The following CUX2 variants were observed in gnomAD, a reference collection of about 807,000 sequenced individuals.
CUX2 encodes the protein homeobox protein cut-like 2.
Under a neutral mutation model 144.8 loss-of-function variants are expected in CUX2, and 40 were observed. The observed-to-expected ratio is 0.28, with a 90% CI of 0.21 to 0.36. The LOEUF (loss-of-function observed/expected upper bound fraction) is 0.36. Among genes scored for constraint, CUX2 ranks in the 10% least tolerant of loss-of-function variants. The probability of loss-of-function intolerance (pLI) is 1.00; values close to 1 mark genes in which losing one functional copy is unlikely to be tolerated. For missense variants in CUX2, 1,615 were observed against 1,994.0 expected, an observed-to-expected ratio of 0.81 and a Z score of 3.62; for synonymous variants, 827 against 875.6, an observed-to-expected ratio of 0.94 and a Z score of 0.98.
intron 3 of CUX2, among the ~76,000 whole-genome samples, chr12:111,231,298 A>G (rs1457523385): frequency 6.6e-6 from 1 of 152,038 alleles, no homozygotes; most frequent in Non-Finnish European, 1.5e-5. Flanking sequence ...GGCACCATAC[A>G]GTATTTGTCC....
At chr12:111,204,987 G>A (rs778270937) in intron 1 of CUX2, among the ~76,000 whole-genome samples, 3 of 152,164 alleles carry the variant, frequency 2.0e-5, no homozygotes, top group Non-Finnish European at 4.4e-5. Context: ...TTTCTCATAG[G>A]CACCACCCCT....
At chr12:111,330,238 A>G (rs1196037178) in intron 18 of CUX2, among the ~76,000 whole-genome samples, 1 of 152,134 alleles carries the variant, frequency 6.6e-6, no homozygotes, top group East Asian at 1.9e-4. Flanking sequence ...CCTCTTCAGG[A>G]GTACTCAGGG....
chr12:111,346,417 A>G lies in CUX2; in HGVS notation c.3660-1107A>G, dbSNP rs552315014. ...GTTGAACCCGGGAGGCAGAGGTTGCAGTGAGCCGCGATTGCGCCACTGCAC... is the reference window on the plus strand; with the variant it reads ...GTTGAACCCGGGAGGCAGAGGTTGCGGTGAGCCGCGATTGCGCCACTGCAC... On this transcript the variant is annotated intron_variant, in intron 21 of 21. Transcript: ENST00000261726. Among the ~76,000 whole-genome samples the G allele has an allele frequency of 2.0e-5, 3 of 150,264 alleles. No individual in the cohort carries two copies. In the East Asian group the frequency reaches 6.1e-4, roughly 30 times the overall value.
chr12:111,301,856 C>T (rs1421181070), intron 9 of CUX2, among the ~76,000 whole-genome samples: 3 of 152,220 alleles, frequency 2.0e-5, no homozygotes, highest in African/African-American at 7.2e-5. Context: ...GGGTCTCACC[C>T]ACCCTTGATG....
intron 1 of CUX2, among the ~76,000 whole-genome samples, chr12:111,157,667 G>A (rs1877483022): frequency 1.3e-5 from 2 of 152,198 alleles, no homozygotes; most frequent in Non-Finnish European, 2.9e-5. Context: ...CAGCATAGGA[G>A]TTGGTGATCC....
At chr12:111,181,261 T>G (rs773806644) in intron 1 of CUX2, among the ~76,000 whole-genome samples, 7 of 152,170 alleles carry the variant, frequency 4.6e-5, no homozygotes, top group Non-Finnish European at 1.0e-4. Context: ...GATGAGAAAT[T>G]TATTGCTCTT....
At chr12:111,265,131 G>A (rs549263877) in intron 4 of CUX2, among the ~76,000 whole-genome samples, 1 of 151,990 alleles carries the variant, frequency 6.6e-6, no homozygotes, top group Non-Finnish European at 1.5e-5. Context: ...TGGAAATCAA[G>A]ATAGTGGTTT....
intron 3 of CUX2, among the ~76,000 whole-genome samples, chr12:111,231,773 C>T (rs1306675421): frequency 1.3e-5 from 2 of 152,138 alleles, no homozygotes; most frequent in Admixed American, 1.3e-4. Context: ...ATAACATTTA[C>T]ATTTTATTAG....
intron 1 of CUX2, among the ~76,000 whole-genome samples, chr12:111,162,102 A>T (rs1877809523): frequency 6.6e-6 from 1 of 152,210 alleles, no homozygotes; most frequent in Non-Finnish European, 1.5e-5. Context: ...CAGAGGGGGA[A>T]AGCTGAGGCC....
intron 1 of CUX2, among the ~76,000 whole-genome samples, chr12:111,107,966 G>A (rs1300594011): frequency 6.6e-6 from 1 of 152,140 alleles, no homozygotes; most frequent in African/African-American, 2.4e-5. Context: ...CTCAAATTTT[G>A]CCAAGTGTCC....
At chr12:111,331,241 A>G (rs1888108994) in intron 18 of CUX2, among the ~76,000 whole-genome samples, 1 of 152,138 alleles carries the variant, frequency 6.6e-6, no homozygotes, top group African/African-American at 2.4e-5. Flanking sequence ...CAACTCACCC[A>G]CGACAGAGAA....
At chr12:111,342,163 C>A in intron 21 of CUX2, 110 bp downstream of exon 21, 1 of 1,281,398 alleles carries the variant, frequency 7.8e-7, no homozygotes, top group Non-Finnish European at 1.1e-6. Flanking sequence ...GATGGAAGAC[C>A]CCATCACATA....
intron 8 of CUX2, among the ~76,000 whole-genome samples, chr12:111,296,740 C>T (rs2136342279): frequency 1.7e-5 from 2 of 118,722 alleles, no homozygotes; most frequent in Admixed American, 8.0e-5. Context: ...AGGCCTCCTC[C>T]CTCTGACCCT....
chr12:111,168,514 G>A (rs1010394211), intron 1 of CUX2, among the ~76,000 whole-genome samples: 8 of 152,200 alleles, frequency 5.3e-5, no homozygotes, highest in African/African-American at 1.4e-4. Flanking sequence ...ACCTCGTCCC[G>A]TCGGTCAAGG....
rs534413243 is a variant in CUX2, at chr12:111,341,644, G to A, written c.3386-136G>A. 376 of 978,808 alleles carry A rather than the reference G, an allele frequency of 3.8e-4. 3 individuals carry two copies. Among genetic ancestry groups the A allele is most frequent in the Middle Eastern group, 1.6e-3 (5 of 3,172 alleles). 60.6% of individuals were successfully genotyped at this position (978,808 alleles called of 1,614,324 possible). A position where few individuals can be genotyped will look rare whatever the true frequency, so the allele number is the denominator to read the frequency against. On this transcript the variant is annotated intron_variant, in intron 20 of 21. Transcript: ENST00000261726. ...AGTGAGGAGGGAGAAAGGCTGGGGG[G>A]CGGGCCTCTAAGCTTAGGGCATGAT...
At chr12:111,241,683 GA>G (rs1883027176) in intron 3 of CUX2, among the ~76,000 whole-genome samples, 1 of 152,240 alleles carries the variant, frequency 6.6e-6, no homozygotes, top group Non-Finnish European at 1.5e-5. Context: ...ACGTTGGCCC[GA>G]CCCCATGGCT....
intron 1 of CUX2, among the ~76,000 whole-genome samples, chr12:111,052,557 G>A (rs915986864): frequency 2.6e-5 from 4 of 152,134 alleles, no homozygotes; most frequent in Admixed American, 6.6e-5. Flanking sequence ...GTGTTTGTGG[G>A]TCTTTTAATT....
At chr12:111,150,178 G>A (rs11065819) in intron 1 of CUX2, among the ~76,000 whole-genome samples, 1 of 152,156 alleles carries the variant, frequency 6.6e-6, no homozygotes, top group East Asian at 1.9e-4. Context: ...ACTATTTGTC[G>A]ACAGCTAAAT....
Position 111,348,033 on chromosome 12 carries a change from G to T in CUX2, c.4169G>T (p.Ser1390Ile), listed in dbSNP as rs777726317. 1.9e-6 allele frequency: 3 copies of T among 1,614,114 alleles called. No individual in the cohort carries two copies. Among genetic ancestry groups the T allele is most frequent in the Non-Finnish European group, 2.5e-6 (3 of 1,180,026 alleles). ...TCAGCCTCAGAGTCCTCACGCTGCA[G>T]CCTGGAGGTGTCACTGAACTCGCCC... ...FKSASESSRC[S>I]LEVSLNSPSA... is the part of the protein sequence containing the mutation. Residue 1390 changes from serine to isoleucine, a missense_variant, in exon 22 of 22, where the codon AGC (serine) becomes ATC (isoleucine). By Grantham distance (142) the Ser-to-Ile change is moderately radical (BLOSUM62 -2). This residue lies in a region of CUX2 where 298 missense variants were observed against 330.4 expected (regional missense o/e 0.90). Coordinates refer to ENST00000261726, the MANE Select transcript of CUX2 (RefSeq NM_015267.4).
Sources: gnomAD v4.1 joint callset for allele counts (sites outside exome capture counted in the v4.1 genomes callset) on GRCh38, gnomAD v4.1.1 for gene constraint, gnomAD v4.1.1 regional missense constraint, MANE v1.5 for transcripts, NCBI Gene and HGNC (gene_info 2026-07-23, HGNC 2026-07-21) for gene names.